Variants in CTNNA3 observed in about 807,000 individuals in gnomAD.
The protein encoded by CTNNA3 is catenin alpha-3.
A neutral mutation model predicts 95.7 loss-of-function variants in CTNNA3; 76 were observed. That is an observed-to-expected ratio of 0.79 (90% confidence interval 0.66 to 0.96). The LOEUF is 0.96. Ranked by LOEUF, CTNNA3 falls within the 40% of genes least tolerant of loss-of-function variation. CTNNA3 has a pLI of 0.00. For synonymous variants in CTNNA3, 431 were observed against 374.4 expected (o/e 1.15, Z -1.74); for missense variants, 1,191 against 1,089.8 (o/e 1.09, Z -1.31).
At chr10:67,227,743 C>G (rs1864993822) in intron 5 of CTNNA3, among the ~76,000 whole-genome samples, 1 of 152,134 alleles carries the variant, frequency 6.6e-6, no homozygotes, top group African/African-American at 2.4e-5. Context: ...ACAAAATACA[C>G]ATTTTATTCA....
intron 12 of CTNNA3, among the ~76,000 whole-genome samples, chr10:66,345,305 A>G (rs2092497141): frequency 6.6e-6 from 1 of 152,146 alleles, no homozygotes; most frequent in Non-Finnish European, 1.5e-5. Context: ...GAAAATGTAT[A>G]GCATCATAAA....
chr10:66,459,500 A>G (rs1457994906), intron 11 of CTNNA3, among the ~76,000 whole-genome samples: 1 of 152,146 alleles, frequency 6.6e-6, no homozygotes, highest in Non-Finnish European at 1.5e-5. Flanking sequence ...GCAATACCCA[A>G]GGGTTTCAGT....
chr10:67,745,754 A>C (rs1334341815), intron 1 of CTNNA3, among the ~76,000 whole-genome samples: 2 of 152,132 alleles, frequency 1.3e-5, no homozygotes, highest in African/African-American at 2.4e-5. Context: ...AACATGCAAA[A>C]ATCAGTAACT....
intron 7 of CTNNA3, among the ~76,000 whole-genome samples, chr10:66,884,739 G>A (rs1398331079): frequency 6.6e-6 from 1 of 152,082 alleles, no homozygotes; most frequent in African/African-American, 2.4e-5. Context: ...CTGTTACATT[G>A]CAATAGATAA....
intron 7 of CTNNA3, among the ~76,000 whole-genome samples, chr10:66,855,861 A>G (rs1843665479): frequency 6.6e-6 from 1 of 152,022 alleles, no homozygotes; most frequent in African/African-American, 2.4e-5. Context: ...AAGACTAGTA[A>G]CACATGTCTT....
At chr10:66,505,935 A>G (rs1000926368) in intron 11 of CTNNA3, among the ~76,000 whole-genome samples, 1 of 152,142 alleles carries the variant, frequency 6.6e-6, no homozygotes, top group Admixed American at 6.5e-5. Context: ...TGGATAATCT[A>G]TAAAGAAAAG....
intron 3 of CTNNA3, among the ~76,000 whole-genome samples, chr10:67,606,584 C>T (rs1413759725): frequency 6.6e-6 from 1 of 152,086 alleles, no homozygotes; most frequent in Non-Finnish European, 1.5e-5. Flanking sequence ...AAAGGGTACT[C>T]TTCTCTTTGT....
chr10:67,380,697 G>C (rs1180515713), intron 5 of CTNNA3, among the ~76,000 whole-genome samples: 1 of 152,188 alleles, frequency 6.6e-6, no homozygotes, highest in Non-Finnish European at 1.5e-5. Flanking sequence ...GACGAAAACA[G>C]TAGGAATACA....
At chr10:67,343,789 T>C (rs2132622235) in intron 5 of CTNNA3, among the ~76,000 whole-genome samples, 1 of 151,968 alleles carries the variant, frequency 6.6e-6, no homozygotes, top group South Asian at 2.1e-4. Flanking sequence ...CAGTACTATG[T>C]TGAATAACAG....
chr10:66,974,064 A>G (rs1346425629), intron 7 of CTNNA3, among the ~76,000 whole-genome samples: 1 of 152,180 alleles, frequency 6.6e-6, no homozygotes, highest in African/African-American at 2.4e-5. Context: ...TCTATCACCA[A>G]AAAAGTTGCC....
chr10:66,343,395 T>C (rs1237516333), intron 12 of CTNNA3, among the ~76,000 whole-genome samples: 1 of 151,828 alleles, frequency 6.6e-6, no homozygotes, highest in Non-Finnish European at 1.5e-5. Context: ...TATTTAGCCA[T>C]AAAAAGAATG....
intron 11 of CTNNA3, among the ~76,000 whole-genome samples, chr10:66,472,438 T>C (rs747738101): frequency 3.3e-5 from 5 of 151,988 alleles, no homozygotes; most frequent in Non-Finnish European, 5.9e-5. Flanking sequence ...GATGCATGAA[T>C]GAGAAAACAA....
chr10:66,521,618 T>C (rs1226084815), intron 10 of CTNNA3, among the ~76,000 whole-genome samples: 6 of 152,158 alleles, frequency 3.9e-5, no homozygotes, highest in Admixed American at 3.9e-4. Context: ...TCTGTTAAAG[T>C]TTTGGTTAAT....
chr10:66,694,603 C>A (rs1042987837), intron 9 of CTNNA3, among the ~76,000 whole-genome samples: 4 of 152,152 alleles, frequency 2.6e-5, no homozygotes, highest in Non-Finnish European at 5.9e-5. Context: ...TCCTCCCTAA[C>A]TCATTTTAAT....
At chr10:67,620,923 G>GTATATATATATATATATATATATA (rs56300519) in intron 2 of CTNNA3, among the ~76,000 whole-genome samples, 7 of 123,776 alleles carry the variant, frequency 5.7e-5, no homozygotes, top group South Asian at 2.5e-4. Flanking sequence ...GTGTGTGTGT[G>GTATATATATATATATATATATATA]TATATATATA....
intron 7 of CTNNA3, among the ~76,000 whole-genome samples, chr10:66,793,426 A>T (rs1315303013): frequency 2.0e-5 from 3 of 152,122 alleles, no homozygotes; most frequent in African/African-American, 7.2e-5. Flanking sequence ...TACAGGCATG[A>T]GCCACTGCAA....
chr10:66,040,881 T>G (rs2079672894), intron 15 of CTNNA3, among the ~76,000 whole-genome samples: 1 of 152,100 alleles, frequency 6.6e-6, no homozygotes, highest in African/African-American at 2.4e-5. Context: ...CTTAAAAGTT[T>G]AAAAAAATCT....
intron 5 of CTNNA3, among the ~76,000 whole-genome samples, chr10:67,470,443 C>T (rs966534636): frequency 6.6e-6 from 1 of 152,144 alleles, no homozygotes; most frequent in Non-Finnish European, 1.5e-5. Flanking sequence ...ATACTGATTT[C>T]CTACAAAAGT....
At chr10:66,922,520 C>T (rs936671712) in intron 7 of CTNNA3, among the ~76,000 whole-genome samples, 1 of 152,178 alleles carries the variant, frequency 6.6e-6, no homozygotes, top group Non-Finnish European at 1.5e-5. Context: ...CAACTAGCCT[C>T]ATGGATAATC....
Sources: allele counts gnomAD v4.1 joint callset (sites outside exome capture counted in the v4.1 genomes callset), GRCh38; gene constraint gnomAD v4.1.1; transcripts MANE v1.5; gene names NCBI Gene and HGNC (gene_info 2026-07-23, HGNC 2026-07-21).